The following ADPGK variants were observed in gnomAD, a reference collection of about 807,000 sequenced individuals.
The protein encoded by ADPGK is ADP dependent glucokinase.
A neutral mutation model predicts 42.4 loss-of-function variants in ADPGK; 26 were observed. That is an observed-to-expected ratio of 0.61 (90% CI 0.45 to 0.85). The LOEUF is 0.85. Ranked by LOEUF, ADPGK falls within the 40% of genes least tolerant of loss-of-function variation. The pLI is 0.00. For synonymous variants in ADPGK, 267 were observed against 252.6 expected, an observed-to-expected ratio of 1.06 and a Z score of -0.54; for missense variants, 571 against 627.0, an observed-to-expected ratio of 0.91 and a Z score of 0.95.
At chr15:72,783,198 G>C in intron 1 of ADPGK, 1 of 1,217,008 alleles carries the variant, frequency 8.2e-7, no homozygotes. Flanking sequence ...TCGGAGAAAG[G>C]TGTCAGACAA....
chr15:72,761,553 G>GT lies in ADPGK; in HGVS notation c.523-1027dup, dbSNP rs544647779. Among the ~76,000 whole-genome samples the GT allele has an allele frequency of 5.1e-4, 78 of 152,154 alleles. 1 individual carries two copies. In the South Asian group the frequency reaches 0.014, roughly 27 times the overall value. ...GGCTATTCTTTCTAGAAGCCATTTC[G>GT]TATCTGTTCCTGCTCCTCAACTCCA... On this transcript the variant is annotated intron_variant, in intron 3 of 6. Coordinates refer to ENST00000456471, the MANE Select transcript of ADPGK (RefSeq NM_001365225.1).
At chr15:72,778,356 C>T (rs1234742632) in intron 1 of ADPGK, among the ~76,000 whole-genome samples, 1 of 152,140 alleles carries the variant, frequency 6.6e-6, no homozygotes, top group Non-Finnish European at 1.5e-5. Flanking sequence ...TCTTTCTCTG[C>T]ACTTTCTCAA....
intron 1 of ADPGK, among the ~76,000 whole-genome samples, chr15:72,779,555 T>C (rs1426403060): frequency 6.6e-6 from 1 of 152,164 alleles, no homozygotes; most frequent in Non-Finnish European, 1.5e-5. Flanking sequence ...GGTTTCATCA[T>C]TTTTAAACCA....
At chr15:72,774,737 A>C in intron 2 of ADPGK, 135 bp downstream of exon 2, 6 of 699,972 alleles carry the variant, frequency 8.6e-6, no homozygotes, top group Non-Finnish European at 1.4e-5. Context: ...ACCTAGACCC[A>C]CAGTTTTCAA....
In ADPGK at chr15:72,755,769, G is replaced by A. The variant is rs188276574; in HGVS notation, c.841-115C>T. ...CTCCTGGTAATGGCCTTCTTTGCAT[G>A]CTCACGGGAGCTACAAGCAATGTGG... On this transcript the variant is annotated intron_variant, in intron 5 of 6. Coordinates refer to ENST00000456471, the MANE Select transcript of ADPGK (RefSeq NM_001365225.1). 1,436 of 756,454 alleles carry A rather than the reference G, an allele frequency of 1.9e-3. 4 individuals carry two copies. Among genetic ancestry groups the A allele is most frequent in the Non-Finnish European group, 2.7e-3 (1,230 of 448,786 alleles). 46.9% of individuals were successfully genotyped at this position (756,454 alleles called of 1,614,324 possible).
rs778516755 is a variant in ADPGK, at chr15:72,774,949, CTGCTCCCTTCCCCATGAAGTGAA to C, written c.359_381del (p.Ile120SerfsTer3). On this transcript the variant is annotated frameshift_variant, in exon 2 of 7. Coordinates refer to ENST00000456471, the MANE Select transcript of ADPGK (RefSeq NM_001365225.1). LOFTEE classifies it high-confidence loss of function. ...TTATCACTGAAGAAGCGCTCAGCAG[CTGCTCCCTTCCCCATGAAGTGAA>C]TGAAGGCTTCTTCCAGATCATTCCT... 6.2e-7 allele frequency: 1 copy of C among 1,614,216 alleles called. No individual in the cohort carries two copies. Among genetic ancestry groups the C allele is most frequent in the Admixed American group, 1.7e-5 (1 of 60,022 alleles).
rs1280059528 is a variant in ADPGK at position 72,783,725 on chromosome 15, T to G, written c.-34A>C. ...AGGCGCCGCACCTGCGCGAACCAACTCCTTTCCTAGCCCGCGCCTCTTCCG... is the reference window on the plus strand; with the variant it reads ...AGGCGCCGCACCTGCGCGAACCAACGCCTTTCCTAGCCCGCGCCTCTTCCG... On this transcript the variant is annotated 5_prime_UTR_variant, in exon 1 of 7. Coordinates refer to ENST00000456471, the MANE Select transcript of ADPGK (RefSeq NM_001365225.1). The G allele has an allele frequency of 1.3e-5, 18 of 1,425,752 alleles. No homozygotes were observed. Among genetic ancestry groups the G allele is most frequent in the East Asian group, 5.7e-5 (2 of 35,116 alleles). 88.3% of individuals were successfully genotyped at this position (1,425,752 alleles called of 1,614,324 possible).
intron 6 of ADPGK, among the ~76,000 whole-genome samples, chr15:72,753,914 T>G (rs1248770730): frequency 1.3e-5 from 2 of 152,068 alleles, no homozygotes; most frequent in Non-Finnish European, 2.9e-5. Flanking sequence ...CTATGGACTT[T>G]GGGTGCTGAT....
intron 1 of ADPGK, among the ~76,000 whole-genome samples, chr15:72,778,583 T>C (rs1231142967): frequency 6.6e-6 from 1 of 152,104 alleles, no homozygotes; most frequent in East Asian, 1.9e-4. Flanking sequence ...AGACAACAGA[T>C]GCTGAATGTC....
intron 3 of ADPGK, among the ~76,000 whole-genome samples, chr15:72,766,670 G>T (rs567602936): frequency 2.6e-5 from 4 of 152,242 alleles, no homozygotes; most frequent in African/African-American, 9.6e-5. Context: ...TGCAGTATTT[G>T]TTTTATTGCA....
chr15:72,774,789 A>G (rs1356974211), intron 2 of ADPGK, 83 bp downstream of exon 2: 2 of 1,306,438 alleles, frequency 1.5e-6, no homozygotes, highest in East Asian at 2.4e-5. Flanking sequence ...ACTGGAATGA[A>G]AAGTTGCTTG....
chr15:72,783,269 G>GC, intron 1 of ADPGK, 190 bp downstream of exon 1: 1 of 1,250,412 alleles, frequency 8.0e-7, no homozygotes, highest in African/African-American at 1.5e-5. Context: ...AGGCGCAGAG[G>GC]CCAGCCGAGT....
rs143945301 is a variant in ADPGK at position 72,761,011 on chromosome 15, C to A, written c.523-484G>T. Reference sequence around the variant, plus strand: ...AGAGAGAGATCAATCTCTCTCCCCCCACCGCATGCACCAAGGACAGGACAT... The same window carrying A: ...AGAGAGAGATCAATCTCTCTCCCCCAACCGCATGCACCAAGGACAGGACAT... On this transcript the variant is annotated intron_variant, in intron 3 of 6. Transcript: ENST00000456471. Among the ~76,000 whole-genome samples, 6 of 152,276 alleles carry A rather than the reference C, an allele frequency of 3.9e-5. No homozygotes were observed. The East Asian group carries it at 7.7e-4, about 20-fold the overall frequency.
intron 6 of ADPGK, among the ~76,000 whole-genome samples, chr15:72,753,383 G>A (rs1259576711): frequency 1.3e-5 from 2 of 152,198 alleles, no homozygotes; most frequent in South Asian, 4.1e-4. Flanking sequence ...TTAGAGCTAA[G>A]CTTTTTAAAA....
rs1223806173 is a variant in ADPGK at position 72,783,722 on chromosome 15, A to G, written c.-31T>C. On this transcript the variant is annotated 5_prime_UTR_variant, in exon 1 of 7. Transcript: ENST00000456471. Reference sequence around the variant, plus strand: ...CCCAGGCGCCGCACCTGCGCGAACCAACTCCTTTCCTAGCCCGCGCCTCTT... The same window carrying G: ...CCCAGGCGCCGCACCTGCGCGAACCGACTCCTTTCCTAGCCCGCGCCTCTT... 2 of 1,431,876 alleles carry G rather than the reference A, an allele frequency of 1.4e-6. No individual in the cohort carries two copies. Among genetic ancestry groups the G allele is most frequent in the Non-Finnish European group, 1.8e-6 (2 of 1,098,094 alleles). 88.7% of individuals were successfully genotyped at this position (1,431,876 alleles called of 1,614,324 possible). A position where few individuals can be genotyped will look rare whatever the true frequency, so the allele number is the denominator to read the frequency against.
chr15:72,766,584 CACTT>C (rs1379993750), intron 3 of ADPGK, among the ~76,000 whole-genome samples: 1 of 152,162 alleles, frequency 6.6e-6, no homozygotes, highest in Non-Finnish European at 1.5e-5. Flanking sequence ...TGGTACTGCA[CACTT>C]ACTTGACGAT....
intron 2 of ADPGK, 97 bp downstream of exon 2, chr15:72,774,775 T>A: frequency 8.5e-7 from 1 of 1,175,116 alleles, no homozygotes; most frequent in Non-Finnish European, 1.2e-6. Flanking sequence ...CCCCTCCTCT[T>A]CAAACTGGAA....
chr15:72,783,364 C>T (rs1402528726), intron 1 of ADPGK, 95 bp downstream of exon 1: 1 of 1,299,004 alleles, frequency 7.7e-7, no homozygotes. Context: ...CAGCGCCTCC[C>T]GGGGACCTCT....
At chr15:72,778,500 T>G (rs1241329857) in intron 1 of ADPGK, among the ~76,000 whole-genome samples, 1 of 151,990 alleles carries the variant, frequency 6.6e-6, no homozygotes, top group Admixed American at 6.5e-5. Flanking sequence ...AAGCTCACAC[T>G]TCAGTAAAAA....
Sources: gnomAD v4.1 joint callset for allele counts (sites outside exome capture counted in the v4.1 genomes callset) on GRCh38, gnomAD v4.1.1 for gene constraint, MANE v1.5 for transcripts, NCBI Gene and HGNC (gene_info 2026-07-23, HGNC 2026-07-21) for gene names.